PPP2R5C: variants seen among roughly 807,000 people sequenced by gnomAD.
PPP2R5C encodes the protein protein phosphatase 2 regulatory subunit B'gamma, also known as serine/threonine-protein phosphatase 2A 56 kDa regulatory subunit gamma isoform.
In PPP2R5C, 7 loss-of-function variants were observed where a neutral mutation model predicts 68.9. The ratio of observed to expected loss-of-function variants is 0.10; its 90% CI spans 0.06 to 0.19. PPP2R5C has a LOEUF of 0.19. Ranked by LOEUF, PPP2R5C falls within the 10% of genes least tolerant of loss-of-function variation. PPP2R5C has a pLI of 1.00. For missense variants in PPP2R5C, 348 were observed against 641.3 expected (o/e 0.54, Z 4.94); for synonymous variants, 210 against 222.2 (o/e 0.95, Z 0.49).
intron 11 of PPP2R5C, among the ~76,000 whole-genome samples, chr14:101,911,191 C>T (rs1384641680): frequency 1.3e-5 from 2 of 149,924 alleles, no homozygotes; most frequent in African/African-American, 2.5e-5. Flanking sequence ...AGGAGGATGG[C>T]GTGAACCTGG....
intron 8 of PPP2R5C, among the ~76,000 whole-genome samples, chr14:101,900,386 A>G (rs1231238873): frequency 2.0e-5 from 3 of 152,250 alleles, no homozygotes; most frequent in South Asian, 4.1e-4. Context: ...TGAGCTGGAA[A>G]TGACTAGTGA....
At chr14:101,861,987 A>C (rs1327058086) in intron 2 of PPP2R5C, among the ~76,000 whole-genome samples, 1 of 152,186 alleles carries the variant, frequency 6.6e-6, no homozygotes, top group Non-Finnish European at 1.5e-5. Context: ...GTCATAGCCC[A>C]CTGCAGCCTC....
Position 101,835,513 on chromosome 14 carries a change from A to ATC in PPP2R5C, c.95-21171_95-21170dup, listed in dbSNP as rs1218762593. Among the ~76,000 whole-genome samples, 1 of 152,232 alleles carries ATC rather than the reference A, an allele frequency of 6.6e-6. No individual in the cohort carries two copies. The highest frequency in any genetic ancestry group is 1.5e-5 in the Non-Finnish European group (1 of 68,042). ...TTCAGAGGGCTCCTTCCCACTTGTCATCTGTAATACTGGCTAATGGGAAAC... is the reference window on the plus strand; with the variant it reads ...TTCAGAGGGCTCCTTCCCACTTGTCATCTCTGTAATACTGGCTAATGGGAAAC... On this transcript the variant is annotated intron_variant, in intron 1 of 13. Transcript: ENST00000334743. This position sits in a 1 kb window ranked among gnomAD's most constrained non-coding sequence, Gnocchi z 5.0.
At position 101,906,311 on chromosome 14, in the gene PPP2R5C, T is replaced by C. The variant is rs756765545; in HGVS notation, c.1024-91T>C. The C allele has an allele frequency of 3.9e-5, 54 of 1,373,918 alleles. No individual in the cohort carries two copies. The highest frequency in any genetic ancestry group is 4.8e-5 in the Non-Finnish European group (49 of 1,020,802). 85.1% of individuals were successfully genotyped at this position (1,373,918 alleles called of 1,614,324 possible). ...ATCATAATTTTCTGGTCCAAGGTAG[T>C]TCATTACCCGACTCACAGGTTTAAC... is the stretch of plus-strand genomic sequence containing the variant. On this transcript the variant is annotated intron_variant, in intron 9 of 13. Coordinates refer to ENST00000334743, the Ensembl canonical transcript of PPP2R5C. The surrounding 1 kb of genome is among the most constrained non-coding windows in gnomAD (Gnocchi z 4.0).
chr14:101,789,523 G>T (rs2038267876), intron 3 of PPP2R5C, among the ~76,000 whole-genome samples: 1 of 152,090 alleles, frequency 6.6e-6, no homozygotes, highest in Admixed American at 6.5e-5. Context: ...AGATTTTTCT[G>T]GTTTTGAAAT....
At chr14:101,821,296 A>G (rs569765404) in intron 1 of PPP2R5C, among the ~76,000 whole-genome samples, 5 of 151,984 alleles carry the variant, frequency 3.3e-5, no homozygotes, top group Admixed American at 1.3e-4. Flanking sequence ...ATACGGCCCC[A>G]TTTACATTTT....
At chr14:101,866,475 G>A (rs554484105) in intron 2 of PPP2R5C, among the ~76,000 whole-genome samples, 20 of 152,180 alleles carry the variant, frequency 1.3e-4, no homozygotes, top group African/African-American at 4.8e-4. Flanking sequence ...AAAGCTGAAG[G>A]CCTCGCCAAC....
upstream of PPP2R5C, among the ~76,000 whole-genome samples, chr14:101,761,462 G>A (rs1336032288): frequency 2.0e-5 from 3 of 150,244 alleles, no homozygotes; most frequent in East Asian, 5.9e-4. Flanking sequence ...GACTCGGGAC[G>A]GAGGGCGGGG....
intron 2 of PPP2R5C, among the ~76,000 whole-genome samples, chr14:101,863,649 C>G (rs528195431): frequency 5.3e-5 from 8 of 152,260 alleles, no homozygotes; most frequent in African/African-American, 1.9e-4. Flanking sequence ...GTAATCCCAG[C>G]ACTTTGGGAG....
intron 5 of PPP2R5C, among the ~76,000 whole-genome samples, chr14:101,884,109 G>A (rs1487074371): frequency 6.6e-6 from 1 of 152,204 alleles, no homozygotes; most frequent in Non-Finnish European, 1.5e-5. Flanking sequence ...AACCACTGGT[G>A]TAGGTCCAAG....
intron 13 of PPP2R5C, among the ~76,000 whole-genome samples, chr14:101,920,399 G>A (rs2141192125): frequency 6.6e-6 from 1 of 152,340 alleles, no homozygotes; most frequent in South Asian, 2.1e-4. Context: ...ACACAGGCAG[G>A]ACAGTTCTTG....
chr14:101,836,447 G>T, intron 1 of PPP2R5C: 1 of 688,310 alleles, frequency 1.5e-6, no homozygotes, highest in South Asian at 1.5e-5. Flanking sequence ...AGCTGGTTTT[G>T]TATTGTAAAT....
intron 2 of PPP2R5C, among the ~76,000 whole-genome samples, chr14:101,773,536 C>T (rs890351112): frequency 6.6e-6 from 1 of 152,090 alleles, no homozygotes; most frequent in Non-Finnish European, 1.5e-5. Context: ...GTGAGTTTGC[C>T]GTGTCCACTG....
rs143569183 is a variant in PPP2R5C, at chr14:101,907,128, T to C, written c.1151+599T>C. On this transcript the variant is annotated intron_variant, in intron 10 of 13. Transcript: ENST00000334743. ...AGACTTTAAAAGGAAACTGTTGATA[T>C]GGGTGCCACATTATTTATTTATTTT... Among the ~76,000 whole-genome samples the C allele has an allele frequency of 3.7e-3, 559 of 152,336 alleles. 3 individuals carry two copies. Among genetic ancestry groups the C allele is most frequent in the African/African-American group, 0.013 (550 of 41,582 alleles).
At chr14:101,852,560 C>T (rs891367586) in intron 1 of PPP2R5C, among the ~76,000 whole-genome samples, 3 of 150,584 alleles carry the variant, frequency 2.0e-5, no homozygotes, top group African/African-American at 7.3e-5. Context: ...CCTCAGCCTC[C>T]CGGGTTCAAG....
intron 3 of PPP2R5C, among the ~76,000 whole-genome samples, chr14:101,804,126 C>T (rs926178848): frequency 9.2e-5 from 14 of 152,146 alleles, no homozygotes; most frequent in African/African-American, 3.1e-4. Context: ...AAAAGGTGCT[C>T]AACATCATTG....
At chr14:101,812,773 G>C (rs953884639) in intron 1 of PPP2R5C, among the ~76,000 whole-genome samples, 2 of 152,210 alleles carry the variant, frequency 1.3e-5, no homozygotes, top group Non-Finnish European at 2.9e-5. Flanking sequence ...GATATGAGCA[G>C]GGGCTATGGC....
At chr14:101,873,161 C>T (rs2043530704) in intron 2 of PPP2R5C, among the ~76,000 whole-genome samples, 1 of 152,150 alleles carries the variant, frequency 6.6e-6, no homozygotes, top group African/African-American at 2.4e-5. Flanking sequence ...TTCACGTCCA[C>T]CTAACTTTTT....
upstream of PPP2R5C, among the ~76,000 whole-genome samples, chr14:101,761,401 C>A (rs544183862): frequency 2.0e-5 from 3 of 151,906 alleles, no homozygotes; most frequent in African/African-American, 7.2e-5. Context: ...CTCTGCTCAG[C>A]GGTCAGCCCC....
Sources: allele counts gnomAD v4.1 joint callset (sites outside exome capture counted in the v4.1 genomes callset), GRCh38; gene constraint gnomAD v4.1.1; non-coding constraint Gnocchi (gnomAD v3.1); transcripts MANE v1.5; gene names NCBI Gene and HGNC (gene_info 2026-07-23, HGNC 2026-07-21).